Variants in PDE4C observed in about 807,000 individuals in gnomAD.
The protein encoded by PDE4C is 3',5'-cyclic-AMP phosphodiesterase 4C.
Under a neutral mutation model 63.9 loss-of-function variants are expected in PDE4C, and 50 were observed. The observed-to-expected ratio is 0.78, with a 90% CI of 0.62 to 0.99. The LOEUF (loss-of-function observed/expected upper bound fraction) is 0.99, where lower values mean the gene tolerates loss of function less well. Ranked by LOEUF, PDE4C falls within the 50% of genes least tolerant of loss-of-function variation. PDE4C has a pLI of 0.00. For synonymous variants in PDE4C, 377 were observed against 385.1 expected (o/e 0.98, Z 0.25); for missense variants, 777 against 899.1 (o/e 0.86, Z 1.74).
exon 15 of PDE4C, chr19:18,211,259 G>A (rs1287779682): frequency 1.9e-6 from 3 of 1,589,396 alleles, no homozygotes; most frequent in African/African-American, 2.7e-5. Flanking sequence ...GGTGAGCAAT[G>A]TAGTCAATGA....
intron 1 of PDE4C, among the ~76,000 whole-genome samples, chr19:18,232,196 C>G (rs996739439): frequency 3.9e-5 from 6 of 152,102 alleles, no homozygotes; most frequent in Admixed American, 6.5e-5. Flanking sequence ...AAAACCCCGT[C>G]TCTAGCAAAA....
chr19:18,219,094 A>G, intron 8 of PDE4C, 56 bp from the exon 9 acceptor site: 1 of 1,578,188 alleles, frequency 6.3e-7, no homozygotes, highest in Non-Finnish European at 8.7e-7. Flanking sequence ...CCCAGACTCT[A>G]GAGCCTCCAT....
chr19:18,217,039 G>C (rs1446545517), intron 11 of PDE4C, 144 bp from the exon 12 acceptor site: 9 of 857,068 alleles, frequency 1.1e-5, no homozygotes, highest in Non-Finnish European at 1.6e-5. Flanking sequence ...AAACCATCCA[G>C]GTCCCTGGCG....
the PDE4C span, among the ~76,000 whole-genome samples, chr19:18,253,288 C>G: frequency 1.3e-5 from 2 of 152,070 alleles, no homozygotes; most frequent in African/African-American, 4.8e-5. Context: ...GAGGCTGAGG[C>G]GGGAGGATTG....
At chr19:18,224,318 G>A (rs944405822) in intron 1 of PDE4C, 5 of 985,476 alleles carry the variant, frequency 5.1e-6, no homozygotes, top group Non-Finnish European at 6.0e-6. Context: ...GGAGCTCCCG[G>A]CCGAGGGCCA....
At chr19:18,245,119 G>A (rs528298719) in intron 1 of PDE4C, among the ~76,000 whole-genome samples, 17 of 151,844 alleles carry the variant, frequency 1.1e-4, no homozygotes, top group Middle Eastern at 3.4e-3. Flanking sequence ...ACAAGCATGA[G>A]CCACTGTGCC....
chr19:18,216,503 G>A (rs1968200222), intron 12 of PDE4C, among the ~76,000 whole-genome samples: 1 of 152,042 alleles, frequency 6.6e-6, no homozygotes, highest in Non-Finnish European at 1.5e-5. Flanking sequence ...TCGAACTCCT[G>A]ACCTCAGGTG....
chr19:18,217,060 T>G, intron 11 of PDE4C, 165 bp from the exon 12 acceptor site: 2 of 699,248 alleles, frequency 2.9e-6, no homozygotes, highest in Non-Finnish European at 4.6e-6. Flanking sequence ...CTTCCCTGAC[T>G]GCAGGGCTAG....
At chr19:18,230,230 G>A (rs1218352456), upstream of PDE4C, among the ~76,000 whole-genome samples, 4 of 152,240 alleles carry the variant, frequency 2.6e-5, no homozygotes, top group African/African-American at 9.6e-5. Flanking sequence ...TAGCGGCTGG[G>A]TGTGGTGGCT....
intron 10 of PDE4C, 24 bp from the exon 11 acceptor site, chr19:18,218,272 G>A (rs373108085): frequency 3.3e-5 from 54 of 1,613,594 alleles, no homozygotes; most frequent in Middle Eastern, 1.6e-4. Flanking sequence ...GGGCACAGGC[G>A]GTGAGGGGCG....
the PDE4C span, among the ~76,000 whole-genome samples, chr19:18,253,289 G>A: frequency 2.0e-5 from 3 of 152,272 alleles, no homozygotes; most frequent in African/African-American, 4.8e-5. Context: ...AGGCTGAGGC[G>A]GGAGGATTGC....
chr19:18,233,224 G>T (rs551874552), exon 1 of PDE4C: 1 of 1,549,114 alleles, frequency 6.5e-7, no homozygotes, highest in African/African-American at 1.4e-5. Context: ...ATAGCAGGGA[G>T]CAGGACTCGT....
At chr19:18,227,173 G>A (rs943369835), upstream of PDE4C, among the ~76,000 whole-genome samples, 3 of 152,152 alleles carry the variant, frequency 2.0e-5, no homozygotes, top group Admixed American at 6.5e-5. Flanking sequence ...TGGAGAAACT[G>A]AGGCCTAGTG....
In PDE4C at chr19:18,220,748, T is replaced by G; in HGVS notation, c.499+126A>C. The G allele has an allele frequency of 1.0e-6, 1 of 979,688 alleles. No homozygotes were observed. Among genetic ancestry groups the G allele is most frequent in the Non-Finnish European group, 1.6e-6 (1 of 626,704 alleles). 60.7% of individuals were successfully genotyped at this position (979,688 alleles called of 1,614,324 possible). ...TGGTGGGGTCCATCCCCGAGGGCGTTATTGTTTTTGCAGGGGCGGGGCTAC... is the reference window on the plus strand; with the variant it reads ...TGGTGGGGTCCATCCCCGAGGGCGTGATTGTTTTTGCAGGGGCGGGGCTAC... On this transcript the variant is annotated intron_variant, in intron 5 of 14. Coordinates refer to ENST00000262805, the Ensembl canonical transcript of PDE4C. This position sits in a 1 kb window ranked among gnomAD's most constrained non-coding sequence, Gnocchi z 5.1.
upstream of PDE4C, chr19:18,248,268 T>C (rs558217542): frequency 2.5e-4 from 113 of 454,962 alleles, 2 homozygotes; most frequent in South Asian, 1.7e-3. Context: ...CAGGGCTCCC[T>C]CAACACCCAC....
At chr19:18,208,943 G>A (rs1967808655), downstream of PDE4C, 1 of 152,176 alleles carries the variant, frequency 6.6e-6, no homozygotes, top group Admixed American at 6.5e-5. Flanking sequence ...CCTAGGGAAG[G>A]AGGAACACGT....
chr19:18,213,611 G>T, intron 12 of PDE4C, 121 bp from the exon 13 acceptor site: 1 of 1,111,942 alleles, frequency 9.0e-7, no homozygotes, highest in Non-Finnish European at 1.2e-6. Context: ...ATACTCATCT[G>T]TGAAATGGAA....
intron 1 of PDE4C, among the ~76,000 whole-genome samples, chr19:18,245,146 TTTTGTTTG>T (rs58953650): frequency 0.13 from 19,042 of 148,456 alleles, 1,575 homozygotes; most frequent in East Asian, 0.37. Context: ...GTTGTTGGTT[TTTTGTTTG>T]TTTGTTTGTT....
intron 12 of PDE4C, among the ~76,000 whole-genome samples, chr19:18,215,486 TA>T (rs10712414): frequency 0.55 from 81,035 of 146,018 alleles, 22,892 homozygotes; most frequent in Non-Finnish European, 0.63. Flanking sequence ...TGCCCCTACC[TA>T]AAAAAAAAAA....
Sources: allele counts gnomAD v4.1 joint callset (sites outside exome capture counted in the v4.1 genomes callset), GRCh38; gene constraint gnomAD v4.1.1; non-coding constraint Gnocchi (gnomAD v3.1); transcripts MANE v1.5; gene names NCBI Gene and HGNC (gene_info 2026-07-23, HGNC 2026-07-21).